The following NRG1 variants were observed in gnomAD, a reference collection of about 807,000 sequenced individuals.
The protein encoded by NRG1 is neuregulin 1.
A neutral mutation model predicts 63.8 loss-of-function variants in NRG1; 18 were observed. The observed-to-expected ratio is 0.28, with a 90% CI of 0.19 to 0.42. The LOEUF (loss-of-function observed/expected upper bound fraction) is 0.42. NRG1 is among the 10% of genes least tolerant of loss of function. The pLI is 1.00. For synonymous variants in NRG1, 302 were observed against 301.3 expected, an observed-to-expected ratio of 1.00 and a Z score of -0.02; for missense variants, 762 against 814.7, an observed-to-expected ratio of 0.94 and a Z score of 0.79.
chr8:32,028,741 G>T (rs1817834475), intron 1 of NRG1, among the ~76,000 whole-genome samples: 1 of 152,106 alleles, frequency 6.6e-6, no homozygotes, highest in South Asian at 2.1e-4. Context: ...TTCAAAAACT[G>T]CAAGAAGAAT....
intron 1 of NRG1, among the ~76,000 whole-genome samples, chr8:31,987,342 GTGTGTGTA>G (rs1284559068): frequency 1.1e-4 from 16 of 149,072 alleles, no homozygotes; most frequent in South Asian, 6.4e-4. Context: ...GTGTGTGTGT[GTGTGTGTA>G]TGTGTGTGAA....
intron 1 of NRG1, among the ~76,000 whole-genome samples, chr8:31,961,032 AG>A (rs1321805085): frequency 6.6e-6 from 1 of 152,046 alleles, no homozygotes; most frequent in Admixed American, 6.6e-5. Context: ...TTTTTTTCAT[AG>A]TTTCAAGAAG....
rs551704759 is a variant in NRG1 at position 32,297,105 on chromosome 8, C to T, written c.38-298723C>T. On this transcript the variant is annotated intron_variant, in intron 1 of 10. Coordinates refer to the NRG1 transcript ENST00000519301. ...ACTCCAGCCTGGTGACAGAATGAGA[C>T]GCTGTCTCAAAGAAAAAAAAATTAT... Among the ~76,000 whole-genome samples, 12 of 152,046 alleles carry T rather than the reference C, an allele frequency of 7.9e-5. No homozygotes were observed. In the South Asian group the frequency reaches 1.9e-3, roughly 24 times the overall value.
At chr8:32,218,992 A>G (rs1433131859) in intron 1 of NRG1, among the ~76,000 whole-genome samples, 1 of 152,218 alleles carries the variant, frequency 6.6e-6, no homozygotes, top group African/African-American at 2.4e-5. Flanking sequence ...ACCCTGTGCC[A>G]GGTGTTATTA....
chr8:31,832,249 G>GTTTTTTTTTTTTTTTTTTTT, intron 1 of NRG1, among the ~76,000 whole-genome samples: 1 of 136,142 alleles, frequency 7.3e-6, no homozygotes, highest in Non-Finnish European at 1.6e-5. Context: ...AAATGCTCTA[G>GTTTTTTTTTTTTTTTTTTTT]TTTTTTTTTT....
At chr8:32,536,805 T>G (rs1264516386) in intron 1 of NRG1, among the ~76,000 whole-genome samples, 6 of 150,338 alleles carry the variant, frequency 4.0e-5, no homozygotes, top group African/African-American at 1.5e-4. Flanking sequence ...GTGCCTGTAG[T>G]CCCAGCTACT....
intron 1 of NRG1, among the ~76,000 whole-genome samples, chr8:32,526,907 A>T (rs1167396112): frequency 6.6e-6 from 1 of 152,078 alleles, no homozygotes; most frequent in Admixed American, 6.6e-5. Context: ...ACAGGGCTCC[A>T]TTTGTAGCCC....
chr8:32,748,233 G>C (rs1027904886), intron 7 of NRG1, among the ~76,000 whole-genome samples: 1 of 151,882 alleles, frequency 6.6e-6, no homozygotes, highest in African/African-American at 2.4e-5. Context: ...TGTATCTCTC[G>C]AGGCAGTGAT....
chr8:32,235,742 T>G (rs960084075), intron 1 of NRG1, among the ~76,000 whole-genome samples: 4 of 152,178 alleles, frequency 2.6e-5, no homozygotes, highest in South Asian at 2.1e-4. Context: ...AAGTTAACAC[T>G]TTCAAAAATA....
intron 1 of NRG1, among the ~76,000 whole-genome samples, chr8:31,874,467 C>T: frequency 6.6e-6 from 1 of 151,896 alleles, no homozygotes; most frequent in South Asian, 2.1e-4. Flanking sequence ...AGCCAAAAAC[C>T]ACAATTACTT....
At chr8:32,760,668 T>C (rs1251496384) in intron 11 of NRG1, 3 of 1,259,734 alleles carry the variant, frequency 2.4e-6, no homozygotes, top group South Asian at 1.8e-5. Flanking sequence ...GTGCAGCACA[T>C]GGAGTTTCCA....
At chr8:32,122,786 CA>C (rs1223661813) in intron 1 of NRG1, among the ~76,000 whole-genome samples, 2 of 151,776 alleles carry the variant, frequency 1.3e-5, no homozygotes, top group African/African-American at 4.8e-5. Flanking sequence ...CCCCCCACCC[CA>C]CAACAGTCCC....
At chr8:31,904,237 A>G (rs1832334638) in intron 1 of NRG1, among the ~76,000 whole-genome samples, 1 of 152,172 alleles carries the variant, frequency 6.6e-6, no homozygotes, top group African/African-American at 2.4e-5. Flanking sequence ...GTCAATCCAT[A>G]TGCTGCTTTG....
chr8:32,423,881 G>T (rs1817003284), intron 1 of NRG1, among the ~76,000 whole-genome samples: 1 of 152,040 alleles, frequency 6.6e-6, no homozygotes, highest in Admixed American at 6.5e-5. Flanking sequence ...AGTCAGTTTG[G>T]AACCCTGCCA....
rs926498816 is a variant in NRG1 at position 32,742,529 on chromosome 8, C to G, written c.633-146C>G. 2.8e-6 allele frequency: 2 copies of G among 702,124 alleles called. No individual in the cohort carries two copies. Among genetic ancestry groups the G allele is most frequent in the African/African-American group, 3.6e-5 (2 of 56,116 alleles). The allele number at this position is 702,124 out of a possible 1,614,324, so 43.5% of individuals were successfully genotyped here. A position where few individuals can be genotyped will look rare whatever the true frequency, so the allele number is the denominator to read the frequency against. On this transcript the variant is annotated intron_variant, in intron 6 of 11. Transcript: ENST00000356819. This position sits in a 1 kb window ranked among gnomAD's most constrained non-coding sequence, Gnocchi z 4.2. ...TGGGGGAAGTGCCAGAGCCTGAAAGCCATGATCAGGGCAAAGATTCAGTTC... is the reference window on the plus strand; with the variant it reads ...TGGGGGAAGTGCCAGAGCCTGAAAGGCATGATCAGGGCAAAGATTCAGTTC...
At chr8:32,505,686 C>T (rs1828430774) in intron 1 of NRG1, among the ~76,000 whole-genome samples, 1 of 152,156 alleles carries the variant, frequency 6.6e-6, no homozygotes, top group East Asian at 1.9e-4. Context: ...GTATCTCCAG[C>T]GTTACACAAA....
At chr8:32,361,244 T>C (rs940920390) in intron 1 of NRG1, among the ~76,000 whole-genome samples, 3 of 152,096 alleles carry the variant, frequency 2.0e-5, no homozygotes, top group Non-Finnish European at 2.9e-5. Context: ...GCAGACAACA[T>C]GGCGCCACAT....
At chr8:31,672,510 G>A (rs1282453629) in intron 1 of NRG1, among the ~76,000 whole-genome samples, 1 of 152,090 alleles carries the variant, frequency 6.6e-6, no homozygotes, top group African/African-American at 2.4e-5. Flanking sequence ...AACAAGAGCT[G>A]TTCCTGCTAG....
At chr8:31,681,151 A>G (rs1479519032) in intron 1 of NRG1, among the ~76,000 whole-genome samples, 1 of 152,126 alleles carries the variant, frequency 6.6e-6, no homozygotes, top group Non-Finnish European at 1.5e-5. Flanking sequence ...CACATCACAC[A>G]TAAAAAAATC....
Sources: allele counts gnomAD v4.1 joint callset (sites outside exome capture counted in the v4.1 genomes callset), GRCh38; gene constraint gnomAD v4.1.1; non-coding constraint Gnocchi (gnomAD v3.1); transcripts MANE v1.5; gene names NCBI Gene and HGNC (gene_info 2026-07-23, HGNC 2026-07-21).